KLHL13: variants seen among roughly 807,000 people sequenced by gnomAD.
The protein encoded by KLHL13 is kelch like family member 13.
In KLHL13, 10 loss-of-function variants were observed where a neutral mutation model predicts 37.1. That is an observed-to-expected ratio of 0.27 (90% CI 0.17 to 0.46). KLHL13 has a LOEUF of 0.46. Ranked by LOEUF, KLHL13 falls within the 20% of genes least tolerant of loss-of-function variation. The pLI is 1.00. For synonymous variants in KLHL13, 163 were observed against 181.2 expected, an observed-to-expected ratio of 0.90 and a Z score of 0.81; for missense variants, 360 against 509.3, an observed-to-expected ratio of 0.71 and a Z score of 2.82.
At chrX:117,923,911 GAAGTT>G (rs1180004774) in intron 2 of KLHL13, among the ~76,000 whole-genome samples, 2 of 111,830 alleles carry the variant, frequency 1.8e-5, no homozygotes, top group African/African-American at 3.2e-5. Context: ...CAAAAGAAAA[GAAGTT>G]AAGGCACCTA....
intron 1 of KLHL13, chrX:117,983,605 AT>A: frequency 1.3e-6 from 1 of 795,333 alleles, no homozygotes; most frequent in Non-Finnish European, 1.8e-6. Context: ...TTTAGTTCAA[AT>A]TTTTCAAAGC....
chrX:117,984,685 A>T (rs2053703634), intron 1 of KLHL13, among the ~76,000 whole-genome samples: 1 of 111,565 alleles, frequency 9.0e-6, no homozygotes, highest in Admixed American at 9.6e-5. Flanking sequence ...ATACACATAA[A>T]CATTATTGTT....
intron 2 of KLHL13, among the ~76,000 whole-genome samples, chrX:117,939,577 T>C (rs920129129): frequency 1.5e-4 from 17 of 112,337 alleles, no homozygotes; most frequent in African/African-American, 5.5e-4. Flanking sequence ...GTGTTCCTAT[T>C]TCTCCACATC....
intron 4 of KLHL13, among the ~76,000 whole-genome samples, chrX:117,910,345 A>G (rs1276773870): frequency 1.8e-5 from 2 of 111,636 alleles, no homozygotes; most frequent in African/African-American, 3.3e-5. Context: ...CTACTCTAAG[A>G]AACAATGTTA....
chrX:118,031,592 T>C (rs1432922406), intron 1 of KLHL13, among the ~76,000 whole-genome samples: 1 of 98,540 alleles, frequency 1.0e-5, no homozygotes, highest in Non-Finnish European at 2.0e-5. Context: ...TATATTTAGT[T>C]ATATATATAT....
chrX:118,031,666 AT>A (rs1248139327), intron 1 of KLHL13, among the ~76,000 whole-genome samples: 10 of 100,370 alleles, frequency 1.0e-4, no homozygotes, highest in East Asian at 3.0e-4. Context: ...GTTATATATA[AT>A]ATATATAACT....
chrX:117,993,972 A>G (rs372386389), intron 1 of KLHL13, among the ~76,000 whole-genome samples: 7 of 108,890 alleles, frequency 6.4e-5, no homozygotes, highest in African/African-American at 2.3e-4. Flanking sequence ...CCGACCTCAG[A>G]TGATCCACCC....
At chrX:118,062,253 T>C (rs1443923099) in intron 1 of KLHL13, among the ~76,000 whole-genome samples, 2 of 111,178 alleles carry the variant, frequency 1.8e-5, no homozygotes, top group Non-Finnish European at 3.8e-5. Flanking sequence ...TTTGTGAGAA[T>C]ATCGTACTTC....
At chrX:118,109,356 G>A (rs758868389) in intron 1 of KLHL13, among the ~76,000 whole-genome samples, 7 of 111,761 alleles carry the variant, frequency 6.3e-5, no homozygotes, top group Non-Finnish European at 1.1e-4. Flanking sequence ...TTGGGTGTTT[G>A]ACTAAAAGAA....
chrX:117,916,749 G>A (rs2147677109), intron 4 of KLHL13, among the ~76,000 whole-genome samples: 1 of 111,946 alleles, frequency 8.9e-6, no homozygotes, highest in Non-Finnish European at 1.9e-5. Flanking sequence ...GTATTAGAAG[G>A]GAATTTTTCT....
intron 1 of KLHL13, among the ~76,000 whole-genome samples, chrX:118,069,392 C>T (rs1311648410): frequency 1.2e-5 from 1 of 86,574 alleles, no homozygotes; most frequent in Non-Finnish European, 2.2e-5. Flanking sequence ...CTTGTGTCTT[C>T]GTTTTTAACA....
At chrX:117,987,219 T>C (rs1376761495) in intron 1 of KLHL13, among the ~76,000 whole-genome samples, 3 of 110,586 alleles carry the variant, frequency 2.7e-5, no homozygotes, top group Non-Finnish European at 5.7e-5. Context: ...TGGAGAGAAA[T>C]TGTGATTGTG....
At chrX:118,077,529 C>G (rs2054941164) in intron 1 of KLHL13, among the ~76,000 whole-genome samples, 1 of 110,075 alleles carries the variant, frequency 9.1e-6, no homozygotes, top group South Asian at 3.9e-4. Flanking sequence ...TTGTGGGGAG[C>G]ACTCACCAAG....
At chrX:118,105,350 T>C (rs1223536992) in intron 1 of KLHL13, among the ~76,000 whole-genome samples, 3 of 112,576 alleles carry the variant, frequency 2.7e-5, no homozygotes, top group Non-Finnish European at 3.7e-5. Context: ...GACTCAAGAA[T>C]CAGACTACAT....
At chrX:117,950,538 C>T (rs1332307565) in intron 1 of KLHL13, among the ~76,000 whole-genome samples, 1 of 111,685 alleles carries the variant, frequency 9.0e-6, no homozygotes, top group African/African-American at 3.3e-5. Context: ...ATTTCAAGTT[C>T]CCCAGATTAA....
At chrX:118,110,377 CTT>C (rs1054663520) in intron 1 of KLHL13, among the ~76,000 whole-genome samples, 39 of 82,517 alleles carry the variant, frequency 4.7e-4, no homozygotes, top group African/African-American at 1.3e-3. Context: ...ATTTCTTTTT[CTT>C]TTTTTTTTTT....
chrX:117,976,810 C>T (rs988932576), upstream of KLHL13, among the ~76,000 whole-genome samples: 1 of 111,611 alleles, frequency 9.0e-6, no homozygotes, highest in Non-Finnish European at 1.9e-5. Context: ...AGTTCAGAGA[C>T]GTAACAAACA....
At chrX:117,986,416 A>G (rs1047879342) in intron 1 of KLHL13, among the ~76,000 whole-genome samples, 10 of 111,872 alleles carry the variant, frequency 8.9e-5, no homozygotes, top group African/African-American at 3.2e-4. Flanking sequence ...GGTATGCAGA[A>G]ACCACATCAC....
chrX:118,029,043 G>C (rs1348651516), intron 1 of KLHL13, among the ~76,000 whole-genome samples: 1 of 111,231 alleles, frequency 9.0e-6, no homozygotes, highest in African/African-American at 3.3e-5. Context: ...AGTATATATA[G>C]GGTTCGGTAC....
Sources: gnomAD v4.1 joint callset for allele counts (sites outside exome capture counted in the v4.1 genomes callset) on GRCh38, gnomAD v4.1.1 for gene constraint, MANE v1.5 for transcripts, NCBI Gene and HGNC (gene_info 2026-07-23, HGNC 2026-07-21) for gene names.